The following DOCK3 variants were observed in gnomAD, a reference collection of about 807,000 sequenced individuals.
DOCK3 encodes the protein dedicator of cytokinesis 3.
Under a neutral mutation model 265.6 loss-of-function variants are expected in DOCK3, and 60 were observed. That is an observed-to-expected ratio of 0.23 (90% CI 0.18 to 0.28). DOCK3 has a LOEUF of 0.28. Ranked by LOEUF, DOCK3 falls within the 10% of genes least tolerant of loss-of-function variation. The pLI, the probability that DOCK3 is intolerant of heterozygous loss-of-function variation, is 1.00. For missense variants in DOCK3, 1,981 were observed against 2,594.3 expected, an observed-to-expected ratio of 0.76 and a Z score of 5.14; for synonymous variants, 881 against 938.0, an observed-to-expected ratio of 0.94 and a Z score of 1.11.
intron 1 of DOCK3, among the ~76,000 whole-genome samples, chr3:50,777,927 G>T (rs1415906542): frequency 3.3e-5 from 5 of 152,014 alleles, no homozygotes; most frequent in Non-Finnish European, 2.9e-5. Context: ...CTGATTGCTG[G>T]TTAGGACTTC....
chr3:50,808,005 G>A (rs1488556227), intron 2 of DOCK3, among the ~76,000 whole-genome samples: 1 of 152,154 alleles, frequency 6.6e-6, no homozygotes, highest in East Asian at 1.9e-4. Flanking sequence ...CCAGAGTGCT[G>A]GGATTACAAG....
chr3:50,758,478 A>G (rs778054763), intron 1 of DOCK3, among the ~76,000 whole-genome samples: 4 of 152,108 alleles, frequency 2.6e-5, no homozygotes, highest in Non-Finnish European at 5.9e-5. Context: ...TTAAATTTAT[A>G]GTTTTAACCA....
At position 50,736,703 on chromosome 3, in the gene DOCK3, T is replaced by C. The variant is rs1190514580; in HGVS notation, c.38-41972T>C. 4.0e-4 allele frequency among the ~76,000 whole-genome samples: 61 copies of C among 150,988 alleles called. No homozygotes were observed. The East Asian group carries it at 0.011, about 27-fold the overall frequency. Reference sequence around the variant, plus strand: ...TGTTGGCTGCATAAATGTCTTTTTTTTTTTTTTTTTTGAGACAGAGTCTCA... The same window carrying C: ...TGTTGGCTGCATAAATGTCTTTTTTCTTTTTTTTTTTGAGACAGAGTCTCA... On this transcript the variant is annotated intron_variant, in intron 1 of 52. Transcript: ENST00000266037.
At chr3:51,026,433 G>GTTTTTTTTTTTT (rs34722593) in intron 5 of DOCK3, among the ~76,000 whole-genome samples, 1 of 140,230 alleles carries the variant, frequency 7.1e-6, no homozygotes, top group Non-Finnish European at 1.6e-5. Flanking sequence ...TTGGCCTGTA[G>GTTTTTTTTTTTT]TTTTTTTTTT....
At chr3:50,882,195 T>TATAG (rs2048079304) in intron 3 of DOCK3, among the ~76,000 whole-genome samples, 1 of 151,918 alleles carries the variant, frequency 6.6e-6, no homozygotes, top group South Asian at 2.1e-4. Flanking sequence ...CCATTCAGGA[T>TATAG]ATAGGCATGG....
intron 2 of DOCK3, chr3:50,787,948 G>T (rs1174371124): frequency 2.0e-6 from 2 of 979,074 alleles, no homozygotes; most frequent in Non-Finnish European, 3.2e-6. Context: ...TTTTGTAAAA[G>T]ACTTCTTCCT....
At chr3:51,069,888 C>G (rs1331155351) in intron 6 of DOCK3, among the ~76,000 whole-genome samples, 1 of 152,136 alleles carries the variant, frequency 6.6e-6, no homozygotes, top group African/African-American at 2.4e-5. Context: ...TAAGGACTCA[C>G]TGATATTTTC....
At chr3:51,264,683 C>T (rs1342119820) in intron 23 of DOCK3, among the ~76,000 whole-genome samples, 2 of 151,872 alleles carry the variant, frequency 1.3e-5, no homozygotes, top group East Asian at 1.9e-4. Context: ...AAAAATTAGC[C>T]GGGCATGGTG....
chr3:50,915,996 A>T (rs930189936), intron 4 of DOCK3, among the ~76,000 whole-genome samples: 1 of 151,922 alleles, frequency 6.6e-6, no homozygotes, highest in Non-Finnish European at 1.5e-5. Context: ...AGCCACAGCG[A>T]TGAAGGAATG....
At chr3:51,099,051 CCTG>C (rs2082979786) in intron 9 of DOCK3, among the ~76,000 whole-genome samples, 3 of 152,164 alleles carry the variant, frequency 2.0e-5, no homozygotes, top group Middle Eastern at 3.4e-3. Flanking sequence ...ATCCTGTTGC[CCTG>C]CTAAGTTTTT....
intron 5 of DOCK3, among the ~76,000 whole-genome samples, chr3:51,057,421 C>T (rs2081246865): frequency 6.6e-6 from 1 of 152,186 alleles, no homozygotes; most frequent in African/African-American, 2.4e-5. Flanking sequence ...GCCCAATCTC[C>T]TCCTCATTGA....
At chr3:51,354,575 G>T (rs1553868386) in intron 40 of DOCK3, among the ~76,000 whole-genome samples, 1 of 152,130 alleles carries the variant, frequency 6.6e-6, no homozygotes, top group Non-Finnish European at 1.5e-5. Context: ...CTTTCAGGAC[G>T]TTTTTTTAAC....
chr3:51,345,695 T>C (rs1327832647), intron 38 of DOCK3, among the ~76,000 whole-genome samples: 1 of 152,164 alleles, frequency 6.6e-6, no homozygotes, highest in East Asian at 1.9e-4. Flanking sequence ...TTTGGTTTGT[T>C]TTAGTCTTTT....
chr3:51,207,364 C>T (rs1356481138), intron 12 of DOCK3, among the ~76,000 whole-genome samples: 1 of 152,084 alleles, frequency 6.6e-6, no homozygotes, highest in African/African-American at 2.4e-5. Context: ...TGAAATTACC[C>T]CATTCAGTAG....
At chr3:50,959,470 A>G (rs1337413135) in intron 5 of DOCK3, among the ~76,000 whole-genome samples, 2 of 150,958 alleles carry the variant, frequency 1.3e-5, no homozygotes, top group Non-Finnish European at 2.9e-5. Context: ...ACAGCTTTCT[A>G]CCTTTGACCT....
At chr3:51,017,898 C>CT (rs2079418038) in intron 5 of DOCK3, among the ~76,000 whole-genome samples, 2 of 151,708 alleles carry the variant, frequency 1.3e-5, no homozygotes, top group African/African-American at 4.9e-5. Flanking sequence ...ATGTCTTTTT[C>CT]TTTTTCTTTT....
At chr3:50,924,579 A>G (rs896909177) in intron 4 of DOCK3, among the ~76,000 whole-genome samples, 1 of 152,364 alleles carries the variant, frequency 6.6e-6, no homozygotes, top group African/African-American at 2.4e-5. Flanking sequence ...CAGGGAAAGT[A>G]AGTCCAAATC....
chr3:50,767,476 A>G (rs1398031442), intron 1 of DOCK3, among the ~76,000 whole-genome samples: 1 of 152,064 alleles, frequency 6.6e-6, no homozygotes, highest in African/African-American at 2.4e-5. Flanking sequence ...CCATTGGTCT[A>G]TATCTCTGTT....
chr3:50,905,137 C>T (rs1293087092), intron 4 of DOCK3, among the ~76,000 whole-genome samples: 2 of 152,118 alleles, frequency 1.3e-5, no homozygotes, highest in Middle Eastern at 3.4e-3. Flanking sequence ...GTTTTTGTAC[C>T]AGTACCATGC....
Sources: gnomAD v4.1 joint callset for allele counts (sites outside exome capture counted in the v4.1 genomes callset) on GRCh38, gnomAD v4.1.1 for gene constraint, MANE v1.5 for transcripts, NCBI Gene and HGNC (gene_info 2026-07-23, HGNC 2026-07-21) for gene names.